Variants in USH2A observed in about 807,000 individuals in gnomAD.
USH2A encodes the protein Usher syndrome 2A (autosomal recessive, mild).
USH2A carries 443 observed loss-of-function variants against 538.9 expected under a neutral mutation model. The ratio of observed to expected loss-of-function variants is 0.82; its 90% confidence interval spans 0.76 to 0.89. The LOEUF (loss-of-function observed/expected upper bound fraction) is 0.89. Among genes scored for constraint, USH2A ranks in the 40% least tolerant of loss-of-function variants. The probability of loss-of-function intolerance (pLI) is 0.00; values close to 1 mark genes in which losing one functional copy is unlikely to be tolerated. For synonymous variants in USH2A, 2,413 were observed against 2,273.5 expected (o/e 1.06, Z -1.75); for missense variants, 6,633 against 6,324.8 (o/e 1.05, Z -1.65).
intron 19 of USH2A, among the ~76,000 whole-genome samples, chr1:216,193,418 G>A (rs553555691): frequency 4.6e-5 from 7 of 152,108 alleles, no homozygotes; most frequent in African/African-American, 1.7e-4. Context: ...TTTTTCATCA[G>A]TATAGAAAAT....
chr1:216,192,458 G>A (rs1003041893), intron 19 of USH2A, among the ~76,000 whole-genome samples: 1 of 151,944 alleles, frequency 6.6e-6, no homozygotes, highest in Admixed American at 6.6e-5. Flanking sequence ...TTGGGAGACC[G>A]AGGCGGGTGG....
At chr1:216,201,757 C>A in intron 16 of USH2A, 1 of 228,234 alleles carries the variant, frequency 4.4e-6, no homozygotes, top group Non-Finnish European at 9.8e-6. Flanking sequence ...CTGATAGAGC[C>A]GAGGAAGGTG....
intron 27 of USH2A, among the ~76,000 whole-genome samples, chr1:216,074,969 C>G (rs138702867): frequency 2.8e-4 from 43 of 152,148 alleles, no homozygotes; most frequent in African/African-American, 1.0e-3. Context: ...CCTAATGCCA[C>G]TAAACTGTAC....
chr1:215,660,159 C>T (rs1657396860), intron 64 of USH2A, among the ~76,000 whole-genome samples: 1 of 152,086 alleles, frequency 6.6e-6, no homozygotes, highest in Non-Finnish European at 1.5e-5. Flanking sequence ...AATTTGAGTC[C>T]TTCAACTTAT....
rs140654069 is a variant in USH2A, at chr1:216,020,206, T to C, written c.6326-19644A>G. ...TTTAAATAAAATAATACATCTGTGA[T>C]GGTTACTTTTGTGTGACAACTTGGC... is the stretch of plus-strand genomic sequence containing the variant. On this transcript the variant is annotated intron_variant, in intron 32 of 71. Transcript: ENST00000307340. 6.2e-3 allele frequency among the ~76,000 whole-genome samples: 947 copies of C among 152,336 alleles called. 10 individuals are homozygous for C. The highest frequency in any genetic ancestry group is 0.021 in the African/African-American group (881 of 41,566).
chr1:215,633,676 A>T (rs1221184653), intron 70 of USH2A, among the ~76,000 whole-genome samples: 1 of 152,148 alleles, frequency 6.6e-6, no homozygotes, highest in African/African-American at 2.4e-5. Flanking sequence ...CTCCTCAGGG[A>T]GACGTAGCCC....
intron 58 of USH2A, among the ~76,000 whole-genome samples, chr1:215,747,105 C>T (rs147000292): frequency 1.3e-3 from 200 of 152,282 alleles, no homozygotes; most frequent in African/African-American, 4.5e-3. Flanking sequence ...GCTGATGTGC[C>T]AGTGTGCTGA....
Position 215,638,445 on chromosome 1 carries a change from C to T in USH2A, c.15052+710G>A, listed in dbSNP as rs117855561. Among the ~76,000 whole-genome samples, 7 of 151,720 alleles carry T rather than the reference C, an allele frequency of 4.6e-5. No individual in the cohort carries two copies. The East Asian group carries it at 1.4e-3, about 30-fold the overall frequency. Reference sequence around the variant, plus strand: ...GACCTCCCTGGCCAACAAAGTGAAACCCCATCTCTACTGTAAATACAAGAA... The same window carrying T: ...GACCTCCCTGGCCAACAAAGTGAAATCCCATCTCTACTGTAAATACAAGAA... On this transcript the variant is annotated intron_variant, in intron 69 of 71. Transcript: ENST00000307340.
intron 47 of USH2A, among the ~76,000 whole-genome samples, chr1:215,820,152 C>T (rs1296874068): frequency 1.3e-5 from 2 of 151,466 alleles, no homozygotes; most frequent in African/African-American, 2.4e-5. Context: ...CATGAAATAA[C>T]TGTTATAGTT....
At chr1:215,649,066 G>T (rs1178262463) in intron 65 of USH2A, among the ~76,000 whole-genome samples, 1 of 152,162 alleles carries the variant, frequency 6.6e-6, no homozygotes, top group Non-Finnish European at 1.5e-5. Context: ...TTAGAAAATG[G>T]CACGGAACAC....
chr1:216,154,965 A>T (rs981091253), intron 21 of USH2A, among the ~76,000 whole-genome samples: 1 of 152,036 alleles, frequency 6.6e-6, no homozygotes, highest in African/African-American at 2.4e-5. Flanking sequence ...TGGGTAAGAT[A>T]GCTCTGTCTT....
chr1:215,688,231 AC>A (rs1417552634), intron 61 of USH2A, among the ~76,000 whole-genome samples: 1 of 152,086 alleles, frequency 6.6e-6, no homozygotes, highest in African/African-American at 2.4e-5. Flanking sequence ...ATGGGAACAG[AC>A]TTGGTGTTTT....
chr1:215,805,831 C>T (rs1392375428), intron 49 of USH2A, among the ~76,000 whole-genome samples: 1 of 148,996 alleles, frequency 6.7e-6, no homozygotes, highest in African/African-American at 2.6e-5. Flanking sequence ...AAATTCAGAC[C>T]ACATTAACAG....
intron 3 of USH2A, among the ~76,000 whole-genome samples, chr1:216,395,204 T>C (rs552166044): frequency 5.1e-4 from 77 of 152,374 alleles, no homozygotes; most frequent in African/African-American, 1.8e-3. Context: ...CTGACAATTC[T>C]ATGTTCTTTC....
intron 49 of USH2A, among the ~76,000 whole-genome samples, chr1:215,812,650 T>C (rs1011975579): frequency 1.3e-5 from 2 of 152,162 alleles, no homozygotes; most frequent in Non-Finnish European, 2.9e-5. Context: ...TTCTTGTCTT[T>C]CTCCTATATC....
intron 38 of USH2A, among the ~76,000 whole-genome samples, chr1:215,915,173 G>C (rs915170589): frequency 6.6e-6 from 1 of 152,094 alleles, no homozygotes; most frequent in Non-Finnish European, 1.5e-5. Context: ...TGAGGGGTTT[G>C]TGCTGCTGTT....
At position 216,186,987 on chromosome 1, in the gene USH2A, ACT is replaced by A. The variant is rs938889567; in HGVS notation, c.4396+3234_4396+3235del. On this transcript the variant is annotated intron_variant, in intron 20 of 71. Coordinates refer to ENST00000307340, the MANE Select transcript of USH2A (RefSeq NM_206933.4). ...CACTCCCTCTTCTAATCTATTGTGTACTCTACCACCAGGGAAGTCTTCATAAA... is the reference window on the plus strand; with the variant it reads ...CACTCCCTCTTCTAATCTATTGTGTACTACCACCAGGGAAGTCTTCATAAA... Among the ~76,000 whole-genome samples the A allele has an allele frequency of 7.9e-5, 12 of 151,810 alleles. 1 individual carries two copies. Among genetic ancestry groups the A allele is most frequent in the African/African-American group, 2.9e-4 (12 of 41,368 alleles).
chr1:215,650,853 G>GGA (rs1657052229), intron 64 of USH2A, 52 bp from the exon 65 acceptor site: 2 of 1,232,018 alleles, frequency 1.6e-6, no homozygotes, highest in African/African-American at 1.8e-5. Context: ...CTAAGGCTGG[G>GGA]AAAAAAAAAA....
Position 216,217,644 on chromosome 1 carries a change from G to A in USH2A, c.2994-94C>T, listed in dbSNP as rs139034489. 1.6e-5 allele frequency: 24 copies of A among 1,473,350 alleles called. No individual in the cohort carries two copies. The East Asian group carries it at 5.6e-4, about 34-fold the overall frequency. The allele number at this position is 1,473,350 out of a possible 1,614,324, so 91.3% of individuals were successfully genotyped here. A position where few individuals can be genotyped will look rare whatever the true frequency, so the allele number is the denominator to read the frequency against. ...ACCTACCAATAGCATTGTAGAGTAA[G>A]ACGGCTTGTTTTAGCCAATATATTG... On this transcript the variant is annotated intron_variant, in intron 14 of 71. Transcript: ENST00000307340.
Sources: allele counts gnomAD v4.1 joint callset (sites outside exome capture counted in the v4.1 genomes callset), GRCh38; gene constraint gnomAD v4.1.1; transcripts MANE v1.5; gene names NCBI Gene and HGNC (gene_info 2026-07-23, HGNC 2026-07-21).